The following SPOCK1 variants were observed in gnomAD, a reference collection of about 807,000 sequenced individuals.
SPOCK1 encodes the protein SPARC (osteonectin), cwcv and kazal like domains proteoglycan 1.
A neutral mutation model predicts 55.3 loss-of-function variants in SPOCK1; 23 were observed. The observed-to-expected ratio is 0.42, with a 90% CI of 0.30 to 0.59. The LOEUF (loss-of-function observed/expected upper bound fraction) is 0.59. Among genes scored for constraint, SPOCK1 ranks in the 20% least tolerant of loss-of-function variants. The pLI is 0.22. For missense variants in SPOCK1, 499 were observed against 552.5 expected (o/e 0.90, Z 0.97); for synonymous variants, 226 against 221.0 (o/e 1.02, Z -0.20).
chr5:137,422,538 T>C (rs998164735), intron 2 of SPOCK1, among the ~76,000 whole-genome samples: 1 of 152,252 alleles, frequency 6.6e-6, no homozygotes, highest in African/African-American at 2.4e-5. Flanking sequence ...ATTCATTTGA[T>C]CTTCCATCAC....
At chr5:137,132,938 T>A (rs1753911833) in intron 4 of SPOCK1, among the ~76,000 whole-genome samples, 1 of 152,206 alleles carries the variant, frequency 6.6e-6, no homozygotes. Context: ...CTGGTTGACC[T>A]TGCCAGGTAA....
intron 2 of SPOCK1, among the ~76,000 whole-genome samples, chr5:137,472,225 TG>T (rs1753750739): frequency 6.6e-6 from 1 of 152,164 alleles, no homozygotes; most frequent in Admixed American, 6.5e-5. Flanking sequence ...AGTCTGCGGC[TG>T]CAATTCTCCA....
At chr5:137,250,573 G>A (rs1756490450) in intron 3 of SPOCK1, among the ~76,000 whole-genome samples, 1 of 152,140 alleles carries the variant, frequency 6.6e-6, no homozygotes, top group African/African-American at 2.4e-5. Flanking sequence ...TGCTCCCTCA[G>A]CTACATCCTC....
At chr5:137,274,665 A>G (rs1347592511) in intron 2 of SPOCK1, among the ~76,000 whole-genome samples, 1 of 152,238 alleles carries the variant, frequency 6.6e-6, no homozygotes, top group Admixed American at 6.5e-5. Context: ...ATTCTTGCAT[A>G]TTTGAATCTT....
intron 2 of SPOCK1, among the ~76,000 whole-genome samples, chr5:137,492,486 T>C (rs546934963): frequency 2.4e-4 from 37 of 152,334 alleles, no homozygotes; most frequent in African/African-American, 8.2e-4. Context: ...CAGCCTTACA[T>C]AAAACCACAG....
At chr5:137,105,394 G>A (rs1212124950) in intron 5 of SPOCK1, among the ~76,000 whole-genome samples, 2 of 152,138 alleles carry the variant, frequency 1.3e-5, no homozygotes, top group Admixed American at 1.3e-4. Context: ...TCTCAACTCT[G>A]CTTAAAAGAA....
At chr5:137,356,669 T>TAATCCC (rs779245907) in intron 2 of SPOCK1, among the ~76,000 whole-genome samples, 11 of 150,418 alleles carry the variant, frequency 7.3e-5, no homozygotes, top group Non-Finnish European at 1.5e-4. Context: ...CACATGCCTG[T>TAATCCC]AATCCCAGCT....
At chr5:137,455,470 A>C (rs1753345093) in intron 2 of SPOCK1, among the ~76,000 whole-genome samples, 1 of 152,194 alleles carries the variant, frequency 6.6e-6, no homozygotes, top group Admixed American at 6.5e-5. Flanking sequence ...CTGGCCTAAC[A>C]GGGTATATGA....
At chr5:137,370,539 GC>G (rs1390782601) in intron 2 of SPOCK1, among the ~76,000 whole-genome samples, 1 of 152,204 alleles carries the variant, frequency 6.6e-6, no homozygotes, top group South Asian at 2.1e-4. Context: ...TTGAAAGGCA[GC>G]TGCTCCAATG....
intron 6 of SPOCK1, among the ~76,000 whole-genome samples, chr5:136,998,370 G>A (rs1033759768): frequency 1.3e-5 from 2 of 152,188 alleles, no homozygotes; most frequent in Admixed American, 6.5e-5. Flanking sequence ...CTATGTAGTA[G>A]TTGTTCAAAA....
rs1019313660 is a variant in SPOCK1, at chr5:137,198,013, T to C, written c.233-57319A>G. Among the ~76,000 whole-genome samples the C allele has an allele frequency of 5.1e-4, 77 of 152,206 alleles. 1 individual carries two copies. The highest frequency in any genetic ancestry group is 3.3e-3 in the Admixed American group (51 of 15,288). ...AATAATTTGTAATACCACCCCCCTA[T>C]AGACATAATAGAGTGTTTTTTTCGT... On this transcript the variant is annotated intron_variant, in intron 3 of 10. Coordinates refer to ENST00000394945, the MANE Select transcript of SPOCK1 (RefSeq NM_004598.4).
At chr5:137,218,911 A>G (rs186677011) in intron 3 of SPOCK1, among the ~76,000 whole-genome samples, 1 of 152,158 alleles carries the variant, frequency 6.6e-6, no homozygotes, top group Non-Finnish European at 1.5e-5. Flanking sequence ...ATCAACAAGG[A>G]AAAAAGCAGT....
At chr5:137,089,788 T>G (rs1172400871) in intron 5 of SPOCK1, among the ~76,000 whole-genome samples, 4 of 152,184 alleles carry the variant, frequency 2.6e-5, no homozygotes, top group Non-Finnish European at 5.9e-5. Context: ...TATTCTCAAT[T>G]GAGAATACAT....
rs112914344 is a variant in SPOCK1 at position 137,037,133 on chromosome 5, T to C, written c.589+30582A>G. Among the ~76,000 whole-genome samples, 625 of 152,120 alleles carry C rather than the reference T, an allele frequency of 4.1e-3. 8 individuals carry two copies. Among genetic ancestry groups the C allele is most frequent in the African/African-American group, 0.015 (602 of 41,466 alleles). ...CTGTATACCTGAATCCAAGGCACCC[T>C]TCTCCCCTACTTAGGAAGAAAGACA... On this transcript the variant is annotated intron_variant, in intron 6 of 10. Coordinates refer to ENST00000394945, the MANE Select transcript of SPOCK1 (RefSeq NM_004598.4).
At chr5:137,160,436 A>T (rs1754506753) in intron 3 of SPOCK1, among the ~76,000 whole-genome samples, 1 of 124,676 alleles carries the variant, frequency 8.0e-6, no homozygotes, top group African/African-American at 3.0e-5. Context: ...TATATATATT[A>T]TATGTTGTAT....
At chr5:137,290,071 C>T (rs949674557) in intron 2 of SPOCK1, among the ~76,000 whole-genome samples, 3 of 152,130 alleles carry the variant, frequency 2.0e-5, no homozygotes, top group Non-Finnish European at 4.4e-5. Context: ...AGCACATGAA[C>T]CTCACAGCCC....
At chr5:137,081,763 G>A (rs1442179222) in intron 5 of SPOCK1, among the ~76,000 whole-genome samples, 2 of 152,246 alleles carry the variant, frequency 1.3e-5, no homozygotes, top group African/African-American at 4.8e-5. Context: ...ACTGCTTAGA[G>A]ATGAAAGATG....
intron 6 of SPOCK1, among the ~76,000 whole-genome samples, chr5:137,054,337 T>C (rs79893544): frequency 0.013 from 1,969 of 152,286 alleles, 33 homozygotes; most frequent in South Asian, 0.041. Flanking sequence ...TTCTAGTGTA[T>C]AAGACTCCCT....
chr5:137,141,181 T>C (rs1324030214), intron 3 of SPOCK1, among the ~76,000 whole-genome samples: 1 of 152,234 alleles, frequency 6.6e-6, no homozygotes, highest in Non-Finnish European at 1.5e-5. Context: ...GGAAATTCTG[T>C]GTCTATCACA....
Sources: gnomAD v4.1 joint callset for allele counts (sites outside exome capture counted in the v4.1 genomes callset) on GRCh38, gnomAD v4.1.1 for gene constraint, MANE v1.5 for transcripts, NCBI Gene and HGNC (gene_info 2026-07-23, HGNC 2026-07-21) for gene names.